PEBP4: variants seen among roughly 807,000 people sequenced by gnomAD.
The protein encoded by PEBP4 is phosphatidylethanolamine-binding protein 4.
In PEBP4, 22 loss-of-function variants were observed where a neutral mutation model predicts 23.9. The ratio of observed to expected loss-of-function variants is 0.92; its 90% CI spans 0.66 to 1.31. The LOEUF is 1.31. Ranked by LOEUF, PEBP4 falls within the 40% of genes most tolerant of loss-of-function variation. The pLI, the probability that PEBP4 is intolerant of heterozygous loss-of-function variation, is 0.00. For synonymous variants in PEBP4, 112 were observed against 99.3 expected, an observed-to-expected ratio of 1.13 and a Z score of -0.76; for missense variants, 324 against 281.7, an observed-to-expected ratio of 1.15 and a Z score of -1.07.
In PEBP4 at chr8:22,804,864, C is replaced by T. The variant is rs185642617; in HGVS notation, c.357+12773G>A. On this transcript the variant is annotated intron_variant, in intron 4 of 6. Transcript: ENST00000256404. ...TGCCCCGTGACCACCCTGCTGCAGC[C>T]ACACCAGTCCCCATCTGATTCTGGA... Among the ~76,000 whole-genome samples the T allele has an allele frequency of 6.1e-3, 936 of 152,252 alleles. 10 individuals are homozygous for T. Among genetic ancestry groups the T allele is most frequent in the African/African-American group, 0.021 (864 of 41,532 alleles).
chr8:22,812,533 G>T (rs995169478), intron 4 of PEBP4, among the ~76,000 whole-genome samples: 3 of 152,128 alleles, frequency 2.0e-5, no homozygotes, highest in Non-Finnish European at 4.4e-5. Flanking sequence ...ACGCCTTTTA[G>T]CTGCTTATTA....
rs111392995 is a variant in PEBP4, at chr8:22,836,387, T to C, written c.259-18652A>G. ...GAGCTGACTTTTACTCACAACAATA[T>C]GGTATTTGTTTGTGTGTTGCAAATT... On this transcript the variant is annotated intron_variant, in intron 3 of 6. Transcript: ENST00000256404. Among the ~76,000 whole-genome samples the C allele has an allele frequency of 8.6e-4, 131 of 152,364 alleles. 1 individual carries two copies. The highest frequency in any genetic ancestry group is 2.8e-3 in the African/African-American group (115 of 41,582).
intron 6 of PEBP4, among the ~76,000 whole-genome samples, chr8:22,723,266 G>T (rs558213942): frequency 6.6e-6 from 1 of 152,214 alleles, no homozygotes; most frequent in East Asian, 1.9e-4. Flanking sequence ...GGCCTCTGCT[G>T]GTCCCTCAGG....
chr8:22,812,005 T>C (rs191986551), intron 4 of PEBP4, among the ~76,000 whole-genome samples: 63 of 152,330 alleles, frequency 4.1e-4, no homozygotes, highest in African/African-American at 1.4e-3. Flanking sequence ...CTTAATCTCA[T>C]TGAACGCTGG....
At chr8:22,788,499 T>C (rs1806073186) in intron 4 of PEBP4, among the ~76,000 whole-genome samples, 1 of 152,122 alleles carries the variant, frequency 6.6e-6, no homozygotes, top group Admixed American at 6.5e-5. Context: ...AGCAGGGTCC[T>C]GGCGGTGTTC....
chr8:22,794,871 A>G (rs1225363883), intron 4 of PEBP4, among the ~76,000 whole-genome samples: 1 of 152,132 alleles, frequency 6.6e-6, no homozygotes, highest in Non-Finnish European at 1.5e-5. Context: ...AAACATTTAA[A>G]TAGCTAATCC....
At chr8:22,714,412 C>G (rs1804372048) in intron 6 of PEBP4, among the ~76,000 whole-genome samples, 1 of 152,046 alleles carries the variant, frequency 6.6e-6, no homozygotes, top group Admixed American at 6.6e-5. Context: ...TAATTTGAAT[C>G]TCAGATAAAT....
At chr8:22,729,572 TG>T in intron 4 of PEBP4, among the ~76,000 whole-genome samples, 1 of 152,212 alleles carries the variant, frequency 6.6e-6, no homozygotes, top group Non-Finnish European at 1.5e-5. Context: ...CCTTTCACTC[TG>T]GGGAGCTTTT....
chr8:22,738,598 G>A (rs750901310), intron 4 of PEBP4, among the ~76,000 whole-genome samples: 1 of 152,120 alleles, frequency 6.6e-6, no homozygotes. Flanking sequence ...ACCTCAGGCT[G>A]GGTCCGAGAG....
At chr8:22,797,623 A>G (rs1806290751) in intron 4 of PEBP4, among the ~76,000 whole-genome samples, 1 of 152,198 alleles carries the variant, frequency 6.6e-6, no homozygotes, top group Admixed American at 6.5e-5. Flanking sequence ...GCTGATGGTG[A>G]GCAGAGCAGC....
intron 3 of PEBP4, among the ~76,000 whole-genome samples, chr8:22,856,642 A>G (rs1490237786): frequency 6.6e-6 from 1 of 152,210 alleles, no homozygotes; most frequent in Non-Finnish European, 1.5e-5. Flanking sequence ...GCTTAAGCCC[A>G]GAAGAAGAGG....
intron 4 of PEBP4, among the ~76,000 whole-genome samples, chr8:22,792,527 G>A (rs573887883): frequency 8.5e-5 from 13 of 152,240 alleles, no homozygotes; most frequent in Non-Finnish European, 1.9e-4. Context: ...CTTCCATAGA[G>A]CCTTTCCTGC....
rs1807877626 is a variant in PEBP4, at chr8:22,865,602, GC to G, written c.259-47868del. 6.6e-6 allele frequency among the ~76,000 whole-genome samples: 1 copy of G among 152,182 alleles called. No homozygotes were observed. The highest frequency in any genetic ancestry group is 6.5e-5 in the Admixed American group (1 of 15,292). The stretch of plus-strand genomic sequence containing the variant: ...AATTCCCTCCGCCCGGGCGCACGCG[GC>G]CCCCCGCCCCCGCCCCATCCTGCTC... On this transcript the variant is annotated intron_variant, in intron 3 of 6. Transcript: ENST00000256404. The surrounding 1 kb of genome is among the most constrained non-coding windows in gnomAD (Gnocchi z 6.9).
intron 3 of PEBP4, 131 bp downstream of exon 3, chr8:22,920,053 A>G (rs985486149): frequency 4.6e-6 from 5 of 1,097,234 alleles, no homozygotes; most frequent in African/African-American, 3.1e-5. Flanking sequence ...TTATGGCAAC[A>G]GCCATCTGCA....
intron 4 of PEBP4, among the ~76,000 whole-genome samples, chr8:22,814,437 C>T (rs1029816256): frequency 5.9e-5 from 9 of 152,200 alleles, no homozygotes; most frequent in Admixed American, 2.0e-4. Flanking sequence ...TATCCTACTC[C>T]GTACTAAACC....
At chr8:22,926,906 G>T (rs1355823747) in intron 2 of PEBP4, among the ~76,000 whole-genome samples, 1 of 152,188 alleles carries the variant, frequency 6.6e-6, no homozygotes, top group Non-Finnish European at 1.5e-5. Flanking sequence ...TGGCAGGGAG[G>T]TTTGGCATCA....
intron 4 of PEBP4, among the ~76,000 whole-genome samples, chr8:22,744,111 C>T (rs575748286): frequency 6.6e-6 from 1 of 152,344 alleles, no homozygotes; most frequent in East Asian, 1.9e-4. Flanking sequence ...TGAATTCTGC[C>T]TCCCTCTCCC....
chr8:22,895,038 T>A (rs1808563880), intron 3 of PEBP4, among the ~76,000 whole-genome samples: 1 of 152,204 alleles, frequency 6.6e-6, no homozygotes, highest in African/African-American at 2.4e-5. Context: ...AACAGTAGAC[T>A]TTCACACCAA....
chr8:22,917,160 A>T (rs1010217181), intron 3 of PEBP4, among the ~76,000 whole-genome samples: 24 of 151,964 alleles, frequency 1.6e-4, no homozygotes, highest in African/African-American at 5.6e-4. Context: ...GTCCAATGGC[A>T]GTCACTGCTT....
Sources: gnomAD v4.1 joint callset for allele counts (sites outside exome capture counted in the v4.1 genomes callset) on GRCh38, gnomAD v4.1.1 for gene constraint, Gnocchi (gnomAD v3.1) non-coding constraint, MANE v1.5 for transcripts, NCBI Gene and HGNC (gene_info 2026-07-23, HGNC 2026-07-21) for gene names.